COL5A3: variants seen among roughly 807,000 people sequenced by gnomAD.
COL5A3 encodes the protein collagen type V alpha 3 chain, also known as collagen alpha-3(V) chain.
In COL5A3, 172 loss-of-function variants were observed where a neutral mutation model predicts 250.0. The observed-to-expected ratio is 0.69, with a 90% CI of 0.61 to 0.78. The LOEUF is 0.78. Among genes scored for constraint, COL5A3 ranks in the 30% least tolerant of loss-of-function variants. The pLI, the probability that COL5A3 is intolerant of heterozygous loss-of-function variation, is 0.00. For synonymous variants in COL5A3, 937 were observed against 900.4 expected (o/e 1.04, Z -0.73); for missense variants, 2,340 against 2,334.4 (o/e 1.00, Z -0.05).
chr19:9,971,401 G>T, intron 51 of COL5A3, 143 bp from the exon 52 acceptor site: 1 of 657,858 alleles, frequency 1.5e-6, no homozygotes, highest in Non-Finnish European at 2.5e-6. Context: ...GCTTGGTAGA[G>T]CGAACATTCT....
chr19:9,973,610 T>A lies in COL5A3; in HGVS notation c.3626A>T (p.Asp1209Val). 1.2e-6 allele frequency: 2 copies of A among 1,612,876 alleles called. No individual in the cohort carries two copies. The highest frequency in any genetic ancestry group is 1.7e-6 in the Non-Finnish European group (2 of 1,179,434). ...GAVGEKGERG[D>V]AGDPGPPGAP... The stretch of plus-strand genomic sequence containing the variant: ...TCCTGGAGGCCCTGGGTCTCCAGCG[T>A]CCCCTCGCTCACCCTGCAGGAGGCA... The change falls in exon 50 of 67, where the codon GAC (aspartate) becomes GTC (valine). Residue 1209 changes from aspartate (D) to valine (V), a missense_variant. This residue lies in a region of COL5A3 where 1,179 missense variants were observed against 1,162.6 expected (regional missense o/e 1.01). Coordinates refer to ENST00000264828, the MANE Select transcript of COL5A3 (RefSeq NM_015719.4).
intron 27 of COL5A3, among the ~76,000 whole-genome samples, chr19:9,987,815 G>C (rs370962443): frequency 5.9e-5 from 9 of 152,180 alleles, no homozygotes; most frequent in South Asian, 4.1e-4. Context: ...TACGCCTATA[G>C]TCCTAGCTAT....
At chr19:10,001,979 G>A (rs959837974) in intron 6 of COL5A3, 98 bp from the exon 7 acceptor site, 3 of 804,046 alleles carry the variant, frequency 3.7e-6, no homozygotes, top group Admixed American at 4.9e-5. Flanking sequence ...CCAGTCCGGG[G>A]ACAGGGACAG....
intron 12 of COL5A3, 46 bp from the exon 13 acceptor site, chr19:9,996,562 T>C (rs1268743249): frequency 6.2e-7 from 1 of 1,613,180 alleles, no homozygotes; most frequent in Non-Finnish European, 8.5e-7. Flanking sequence ...AGAGGCCCCC[T>C]CCTGGATCAG....
At position 9,979,840 on chromosome 19, in the gene COL5A3, A is replaced by G. The variant is rs1257646749; in HGVS notation, c.2711T>C (p.Leu904Pro). Residue 904 changes from leucine (L) to proline (P), a missense_variant and splice_region_variant, in exon 37 of 67, where the codon CTG becomes CCG. Coordinates refer to ENST00000264828, the MANE Select transcript of COL5A3 (RefSeq NM_015719.4). ...ATCAAAGGTTGAGGGGTTACTCACC[A>G]GTTCTCCTCTCTGTCCAGGGTGCCC... ...RPGHPGQRGE[L>P]GFQGQTGPPG... 5 of 1,582,094 alleles carry G rather than the reference A, an allele frequency of 3.2e-6. No homozygotes were observed. In the Admixed American group the frequency reaches 9.9e-5, roughly 31 times the overall value.
chr19:9,964,917 C>A (rs150316376), intron 64 of COL5A3, among the ~76,000 whole-genome samples: 1 of 130,324 alleles, frequency 7.7e-6, no homozygotes, highest in Non-Finnish European at 1.6e-5. Context: ...GGCATGGTGG[C>A]GCATGCCTGT....
intron 23 of COL5A3, 65 bp downstream of exon 23, chr19:9,991,723 T>C: frequency 6.2e-7 from 1 of 1,600,918 alleles, no homozygotes. Flanking sequence ...TTGGGAAGCC[T>C]GGTCACGGTC....
Position 9,966,704 on chromosome 19 carries a change from A to AGCGCCG in COL5A3, c.4495_4500dup (p.Arg1499_Arg1500dup). On this transcript the variant is annotated inframe_insertion, in exon 63 of 67. Transcript: ENST00000264828. ...ACGACTGGAAGCGGGACTGGGACGA[A>AGCGCCG]GCGCCGGCGCCTGCGCAGCCCATGC... The AGCGCCG allele has an allele frequency of 6.5e-7, 1 of 1,537,810 alleles. No homozygotes were observed. Among genetic ancestry groups the AGCGCCG allele is most frequent in the South Asian group, 1.2e-5 (1 of 84,068 alleles).
At chr19:9,976,793 G>A (rs1313957438) in intron 44 of COL5A3, among the ~76,000 whole-genome samples, 182 bp from the exon 45 acceptor site, 1 of 152,076 alleles carries the variant, frequency 6.6e-6, no homozygotes, top group Non-Finnish European at 1.5e-5. Flanking sequence ...TCAGACAGAC[G>A]TCTGTCCTAA....
intron 61 of COL5A3, 96 bp downstream of exon 61, chr19:9,967,808 A>G: frequency 7.8e-7 from 1 of 1,274,198 alleles, no homozygotes; most frequent in Non-Finnish European, 1.1e-6. Flanking sequence ...TGCATGAATA[A>G]ATAAATAAAT....
rs57642882 is a variant in COL5A3 at position 9,994,559 on chromosome 19, C to CATAT, written c.1588-757_1588-754dup. ...AGGCTGGAGTTACATATATGTTTTA[C>CATAT]ATATATATATATATATATATATATA... On this transcript the variant is annotated intron_variant, in intron 16 of 66. Transcript: ENST00000264828. Among the ~76,000 whole-genome samples the CATAT allele has an allele frequency of 6.4e-3, 451 of 70,568 alleles. 24 individuals are homozygous for CATAT. The highest frequency in any genetic ancestry group is 9.8e-3 in the Non-Finnish European group (295 of 30,218). 46.3% of individuals were successfully genotyped at this position (70,568 alleles called of 152,430 possible).
rs1454746601 is a variant in COL5A3 at position 9,960,848 on chromosome 19, G to T, written c.4894C>A (p.Gln1632Lys). The change falls in exon 66 of 67, where the codon CAG (glutamine) becomes AAG (lysine). Residue 1632 changes from glutamine to lysine, a missense_variant. Around this residue, in one of 3 missense-constraint regions of COL5A3, gnomAD observed 1,179 missense variants for 1,162.6 expected, o/e 1.01. Coordinates refer to ENST00000264828, the MANE Select transcript of COL5A3 (RefSeq NM_015719.4). ...DADGSPVNVV[Q>K]LNFLKLLSAT... ...CTCAGCAGTTTCAGGAAGTTCAGCT[G>T]CACGACATTCACTGGGGACCCGTCG... 1.2e-6 allele frequency: 2 copies of T among 1,611,326 alleles called. No individual in the cohort carries two copies. Among genetic ancestry groups the T allele is most frequent in the Admixed American group, 1.7e-5 (1 of 60,004 alleles).
rs1161562613 is a variant in COL5A3, at chr19:9,993,014, G to A, written c.1794+9C>T. ...CCAAGCAAGGGGCCCAGGGATCCCT[G>A]ATACTCACCGGCTCCCCAGCCTGGC... On this transcript the variant is annotated intron_variant, in intron 20 of 66. Transcript: ENST00000264828. The A allele has an allele frequency of 6.2e-7, 1 of 1,613,470 alleles. No individual in the cohort carries two copies.
At chr19:9,965,151 TTTTTC>T (rs1568402480) in intron 64 of COL5A3, among the ~76,000 whole-genome samples, 3 of 90,240 alleles carry the variant, frequency 3.3e-5, no homozygotes, top group Admixed American at 1.1e-4. Flanking sequence ...TTTTCTTTTC[TTTTTC>T]TTTTTTTTTT....
chr19:9,973,755 C>T lies in COL5A3; in HGVS notation c.3612+1G>A. On this transcript the variant is annotated splice_donor_variant, in intron 49 of 66. Transcript: ENST00000264828. LOFTEE classifies it high-confidence loss of function. ...TGCAGCCCCTGCCTTCCCTCACTCACCTTCTCACCCACGGCGCCTGGCTGA... is the reference window on the plus strand; with the variant it reads ...TGCAGCCCCTGCCTTCCCTCACTCATCTTCTCACCCACGGCGCCTGGCTGA... The T allele has an allele frequency of 1.2e-6, 2 of 1,614,016 alleles. No homozygotes were observed. The highest frequency in any genetic ancestry group is 1.1e-5 in the South Asian group (1 of 91,084).
At chr19:9,975,985 C>G (rs1454800600) in intron 45 of COL5A3, among the ~76,000 whole-genome samples, 1 of 148,802 alleles carries the variant, frequency 6.7e-6, no homozygotes, top group Non-Finnish European at 1.5e-5. Context: ...GAATCAGATT[C>G]TGGGGGTGAG....
chr19:9,983,972 A>G (rs11672661), intron 31 of COL5A3, among the ~76,000 whole-genome samples: 95,709 of 151,440 alleles, frequency 0.63, 32,143 homozygotes, highest in African/African-American at 0.88. Context: ...GCTCAACAGC[A>G]CAAAAATGTG....
At position 10,001,797 on chromosome 19, in the gene COL5A3, T is replaced by G. The variant is rs775572945; in HGVS notation, c.934A>C (p.Thr312Pro). The change falls in exon 7 of 67, where the codon ACT (threonine) becomes CCT (proline). Residue 312 changes from threonine (T) to proline (P), a missense_variant. Around this residue, in one of 3 missense-constraint regions of COL5A3, gnomAD observed 1,152 missense variants for 1,146.3 expected, o/e 1.00. Transcript: ENST00000264828. ...PTPLVVTSTV[T>P]TGLNATILER... ...AGGATCGTGGCATTGAGTCCAGTAGTCACAGTGGAGGTGACGACCAAAGGC... is the reference window on the plus strand; with the variant it reads ...AGGATCGTGGCATTGAGTCCAGTAGGCACAGTGGAGGTGACGACCAAAGGC... 17 of 1,614,000 alleles carry G rather than the reference T, an allele frequency of 1.1e-5. No individual in the cohort carries two copies. The highest frequency in any genetic ancestry group is 1.7e-5 in the Admixed American group (1 of 60,000).
intron 31 of COL5A3, among the ~76,000 whole-genome samples, chr19:9,983,046 A>G (rs1241221209): frequency 6.6e-6 from 1 of 151,822 alleles, no homozygotes; most frequent in Non-Finnish European, 1.5e-5. Flanking sequence ...TTTTTAGTAG[A>G]TATGGGGTCT....
Sources: gnomAD v4.1 joint callset for allele counts (sites outside exome capture counted in the v4.1 genomes callset) on GRCh38, gnomAD v4.1.1 for gene constraint, gnomAD v4.1.1 regional missense constraint, MANE v1.5 for transcripts, NCBI Gene and HGNC (gene_info 2026-07-23, HGNC 2026-07-21) for gene names.